CACNA1C: variants seen among roughly 807,000 people sequenced by gnomAD.
CACNA1C encodes voltage-dependent L-type calcium channel subunit alpha-1C.
A neutral mutation model predicts 229.0 loss-of-function variants in CACNA1C; 30 were observed. The observed-to-expected ratio is 0.13, with a 90% CI of 0.10 to 0.18. The LOEUF (loss-of-function observed/expected upper bound fraction) is 0.18. CACNA1C is among the 10% of genes least tolerant of loss of function. CACNA1C has a pLI of 1.00. For synonymous variants in CACNA1C, 1,114 were observed against 1,132.5 expected, an observed-to-expected ratio of 0.98 and a Z score of 0.33; for missense variants, 1,658 against 2,845.0, an observed-to-expected ratio of 0.58 and a Z score of 9.49.
At chr12:2,172,383 CTAAT>C (rs1403524811) in intron 3 of CACNA1C, among the ~76,000 whole-genome samples, 2 of 152,222 alleles carry the variant, frequency 1.3e-5, no homozygotes, top group South Asian at 4.1e-4. Flanking sequence ...TCTTGGTCCT[CTAAT>C]TAAGTAGTAA....
chr12:2,429,247 G>A (rs1020324852), intron 3 of CACNA1C, among the ~76,000 whole-genome samples: 16 of 151,952 alleles, frequency 1.1e-4, no homozygotes, highest in African/African-American at 3.9e-4. Context: ...TAATTAAATT[G>A]GCAGTGACCC....
intron 3 of CACNA1C, among the ~76,000 whole-genome samples, chr12:2,414,457 G>T (rs1294111833): frequency 6.6e-6 from 1 of 152,156 alleles, no homozygotes; most frequent in Admixed American, 6.5e-5. Context: ...CCTGTGCTTA[G>T]TGGGAACAGA....
Position 2,696,640 on chromosome 12 carries a change from G to C in CACNA1C, c.*5441G>C, listed in dbSNP as rs796777333. On this transcript the variant is annotated 3_prime_UTR_variant, in exon 47 of 47. Coordinates refer to ENST00000399655, the MANE Select transcript of CACNA1C (RefSeq NM_000719.7). The stretch of plus-strand genomic sequence containing the variant: ...AAAAAAGCTCTGGGTGGAAGAGTTT[G>C]TAAGTTTTAAGAGAGGGTCATTTCT... 2 of 150,884 alleles carry C rather than the reference G, an allele frequency of 1.3e-5. No homozygotes were observed. The highest frequency in any genetic ancestry group is 3.9e-4 in the East Asian group (2 of 5,136). The allele number at this position is 150,884 out of a possible 1,614,324, so 9.3% of individuals were successfully genotyped here.
Position 2,067,735 on chromosome 12 carries a change from A to G in CACNA1C, c.49+14124A>G, listed in dbSNP as rs114327872. On this transcript the variant is annotated intron_variant, in intron 1 of 46. Transcript: ENST00000399655. The surrounding 1 kb of genome is among the most constrained non-coding windows in gnomAD (Gnocchi z 5.3). ...TCAAGGACAAGGAACCTGCACTGTT[A>G]ACCTCAGTCAGGGCGCAACGGTAGA... Among the ~76,000 whole-genome samples, 1,304 of 152,176 alleles carry G rather than the reference A, an allele frequency of 8.6e-3. 17 individuals are homozygous for G. The highest frequency in any genetic ancestry group is 0.03 in the African/African-American group (1,248 of 41,498).
chr12:2,634,372 G>T lies in CACNA1C; in HGVS notation c.3904G>T (p.Glu1302Ter). ...VGSIVDIAIT[E>*]VNPAEHTQCS... ...TAGCATTGTTGATATAGCAATCACC[G>T]AGGTAAACGTAAGTACATGGCGTCT... Residue 1302 changes from glutamate (E) to a stop codon, truncating the protein, a stop_gained, in exon 30 of 47, where the codon GAG (glutamate) becomes TAG (stop). Transcript: ENST00000399655. LOFTEE classifies it high-confidence loss of function. 6.4e-7 allele frequency: 1 copy of T among 1,567,016 alleles called. No homozygotes were observed.
intron 3 of CACNA1C, among the ~76,000 whole-genome samples, chr12:2,264,847 C>A (rs1037994179): frequency 2.0e-5 from 3 of 152,182 alleles, no homozygotes; most frequent in Non-Finnish European, 4.4e-5. Flanking sequence ...TAGTTCCATC[C>A]CAAGTTCTTC....
chr12:2,562,127 A>T (rs1015622070), intron 11 of CACNA1C, among the ~76,000 whole-genome samples: 1 of 144,466 alleles, frequency 6.9e-6, no homozygotes, highest in African/African-American at 2.6e-5. Context: ...GCTCAGGAGC[A>T]CCCCAGTTGA....
chr12:2,505,068 G>A, intron 8 of CACNA1C, 123 bp downstream of exon 8: 2 of 639,248 alleles, frequency 3.1e-6, no homozygotes, highest in South Asian at 1.8e-5. Flanking sequence ...CACCACAGGA[G>A]CCTTGAAGTG....
chr12:2,036,593 G>T (rs1360965689), intron 1 of CACNA1C, among the ~76,000 whole-genome samples: 3 of 152,048 alleles, frequency 2.0e-5, no homozygotes, highest in African/African-American at 7.2e-5. Flanking sequence ...AGCCTCCCCA[G>T]TAGCTGCGAT....
In CACNA1C at chr12:2,653,244, A is replaced by G. The variant is rs541477641; in HGVS notation, c.4075-591A>G. Among the ~76,000 whole-genome samples, 28 of 152,358 alleles carry G rather than the reference A, an allele frequency of 1.8e-4. No homozygotes were observed. In the East Asian group the frequency reaches 2.9e-3, roughly 16 times the overall value. ...AACCACAAAACCGCTGAGAGGTATT[A>G]TTATTGTTTCCATTTTTCTGATGAG... On this transcript the variant is annotated intron_variant, in intron 32 of 46. Coordinates refer to ENST00000399655, the MANE Select transcript of CACNA1C (RefSeq NM_000719.7). The surrounding 1 kb of genome is among the most constrained non-coding windows in gnomAD (Gnocchi z 4.7).
In CACNA1C at chr12:2,488,673, A is replaced by C. The variant is rs2099706219; in HGVS notation, c.916+2411A>C. On this transcript the variant is annotated intron_variant, in intron 6 of 46. Coordinates refer to ENST00000399655, the MANE Select transcript of CACNA1C (RefSeq NM_000719.7). The surrounding 1 kb of genome is among the most constrained non-coding windows in gnomAD (Gnocchi z 4.0). ...CCCATCACAGAAATGGCCATGAGCC[A>C]AGGGGGCCAGGACAACAGCAGAAGT... is the stretch of plus-strand genomic sequence containing the variant. Among the ~76,000 whole-genome samples, 1 of 152,220 alleles carries C rather than the reference A, an allele frequency of 6.6e-6. No homozygotes were observed. The highest frequency in any genetic ancestry group is 2.4e-5 in the African/African-American group (1 of 41,458).
At chr12:2,680,521 C>T (rs1322888891) in intron 42 of CACNA1C, 49 of 1,573,898 alleles carry the variant, frequency 3.1e-5, no homozygotes, top group Non-Finnish European at 4.2e-5. Flanking sequence ...CTGTGCTGCT[C>T]TTCCAGAGTA....
Position 2,677,024 on chromosome 12 carries a change from A to G in CACNA1C, c.4829-70A>G, listed in dbSNP as rs2096856863. ...TAAAAAGTTTTGGATGCTGAAAAAA[A>G]AAATGAATGAAGTTCAACTGAATTC... On this transcript the variant is annotated intron_variant, in intron 39 of 46. Coordinates refer to ENST00000399655, the MANE Select transcript of CACNA1C (RefSeq NM_000719.7). The surrounding 1 kb of genome is among the most constrained non-coding windows in gnomAD (Gnocchi z 7.4). 1.2e-5 allele frequency: 16 copies of G among 1,371,564 alleles called. No homozygotes were observed. Among genetic ancestry groups the G allele is most frequent in the East Asian group, 2.4e-5 (1 of 41,796 alleles). 85.0% of individuals were successfully genotyped at this position (1,371,564 alleles called of 1,614,324 possible).
intron 1 of CACNA1C, among the ~76,000 whole-genome samples, chr12:1,973,232 A>C (rs1459186422): frequency 6.6e-6 from 1 of 152,158 alleles, no homozygotes; most frequent in East Asian, 1.9e-4. Context: ...GTTTTACTGC[A>C]CCTCACAAAT....
chr12:2,135,863 T>C lies in CACNA1C; in HGVS notation c.477+15433T>C, dbSNP rs1481794761. ...GTTCGAGCTTCCCGGCTGCTTTGTT[T>C]ACCTAATCAAGCCCGGGCAATGGCG... On this transcript the variant is annotated intron_variant, in intron 3 of 46. Transcript: ENST00000399655. Among the ~76,000 whole-genome samples the C allele has an allele frequency of 2.0e-5, 3 of 147,812 alleles. 1 individual carries two copies. Among genetic ancestry groups the C allele is most frequent in the African/African-American group, 7.8e-5 (3 of 38,370 alleles).
At chr12:2,637,081 G>A (rs1043223039) in intron 30 of CACNA1C, among the ~76,000 whole-genome samples, 1 of 152,352 alleles carries the variant, frequency 6.6e-6, no homozygotes, top group African/African-American at 2.4e-5. Context: ...CCCAAGGCAG[G>A]AAGGCGGTTT....
rs2097050696 is a variant in CACNA1C, at chr12:2,346,894, A to G, written c.478-102082A>G. On this transcript the variant is annotated intron_variant, in intron 3 of 46. Transcript: ENST00000399655. The surrounding 1 kb of genome is among the most constrained non-coding windows in gnomAD (Gnocchi z 4.4). ...TGTTAGGGGTGCCATGATTTGAACC[A>G]TCTCACCTCTGCATTTTTGCTGGTG... is the stretch of plus-strand genomic sequence containing the variant. Among the ~76,000 whole-genome samples the G allele has an allele frequency of 6.6e-6, 1 of 152,080 alleles. No individual in the cohort carries two copies. Among genetic ancestry groups the G allele is most frequent in the South Asian group, 2.1e-4 (1 of 4,820 alleles).
At chr12:2,187,138 C>G (rs547644189) in intron 3 of CACNA1C, among the ~76,000 whole-genome samples, 1 of 152,280 alleles carries the variant, frequency 6.6e-6, no homozygotes, top group Admixed American at 6.5e-5. Context: ...AGAACCTTTT[C>G]CAGGCAGTAT....
rs1053799437 is a variant in CACNA1C, at chr12:2,697,628, C to T, written c.*6429C>T. Reference sequence around the variant, plus strand: ...GCAGTGCCTCCGTTGTCACCATTCCCCACACCCCTACACACCCCCACACCC... The same window carrying T: ...GCAGTGCCTCCGTTGTCACCATTCCTCACACCCCTACACACCCCCACACCC... On this transcript the variant is annotated 3_prime_UTR_variant, in exon 47 of 47. Coordinates refer to ENST00000399655, the MANE Select transcript of CACNA1C (RefSeq NM_000719.7). 2 of 152,106 alleles carry T rather than the reference C, an allele frequency of 1.3e-5. No homozygotes were observed. Among genetic ancestry groups the T allele is most frequent in the African/African-American group, 4.8e-5 (2 of 41,384 alleles). The allele number at this position is 152,106 out of a possible 1,614,324, so 9.4% of individuals were successfully genotyped here.
Sources: allele counts gnomAD v4.1 joint callset (sites outside exome capture counted in the v4.1 genomes callset), GRCh38; gene constraint gnomAD v4.1.1; non-coding constraint Gnocchi (gnomAD v3.1); transcripts MANE v1.5; gene names NCBI Gene and HGNC (gene_info 2026-07-23, HGNC 2026-07-21).